Variants in PRKCA observed in about 807,000 individuals in gnomAD.
PRKCA encodes the protein protein kinase C alpha type.
A neutral mutation model predicts 87.0 loss-of-function variants in PRKCA; 27 were observed. The ratio of observed to expected loss-of-function variants is 0.31; its 90% CI spans 0.23 to 0.43. PRKCA has a LOEUF of 0.43. PRKCA is among the 20% of genes least tolerant of loss of function. The pLI is 1.00. For synonymous variants in PRKCA, 329 were observed against 311.1 expected, an observed-to-expected ratio of 1.06 and a Z score of -0.61; for missense variants, 518 against 852.3, an observed-to-expected ratio of 0.61 and a Z score of 4.88.
At chr17:66,545,423 T>C (rs905707897) in intron 3 of PRKCA, among the ~76,000 whole-genome samples, 2 of 152,156 alleles carry the variant, frequency 1.3e-5, no homozygotes, top group Non-Finnish European at 2.9e-5. Flanking sequence ...AGCGAGACTC[T>C]GTCTCAAAAA....
intron 13 of PRKCA, among the ~76,000 whole-genome samples, chr17:66,751,418 C>T (rs894487016): frequency 6.6e-6 from 1 of 152,156 alleles, no homozygotes; most frequent in African/African-American, 2.4e-5. Context: ...CATCCACGGC[C>T]AGTTGCCACC....
At chr17:66,802,358 G>C (rs1391138233) in intron 16 of PRKCA, among the ~76,000 whole-genome samples, 1 of 152,032 alleles carries the variant, frequency 6.6e-6, no homozygotes, top group East Asian at 1.9e-4. Flanking sequence ...GTGGGAAAAG[G>C]GTAATGAAAG....
chr17:66,585,779 C>T (rs1339926048), intron 3 of PRKCA, among the ~76,000 whole-genome samples: 1 of 152,204 alleles, frequency 6.6e-6, no homozygotes, highest in Admixed American at 6.5e-5. Flanking sequence ...AGCCTTGGTT[C>T]CTGTCTTGTG....
chr17:66,446,584 T>A (rs1914049583), intron 2 of PRKCA, among the ~76,000 whole-genome samples: 2 of 152,340 alleles, frequency 1.3e-5, no homozygotes, highest in South Asian at 4.1e-4. Context: ...TCAAGGGCTA[T>A]GAATGCTGCC....
At chr17:66,650,505 C>T (rs1054379832) in intron 5 of PRKCA, among the ~76,000 whole-genome samples, 3 of 152,046 alleles carry the variant, frequency 2.0e-5, no homozygotes, top group African/African-American at 2.4e-5. Context: ...GAAAAAATAT[C>T]GGGTGCTTTA....
chr17:66,458,531 A>C (rs1425949366), intron 2 of PRKCA, among the ~76,000 whole-genome samples: 1 of 151,228 alleles, frequency 6.6e-6, no homozygotes, highest in African/African-American at 2.4e-5. Flanking sequence ...CCCAGGCTGG[A>C]GTGTAGTGGT....
Position 66,337,413 on chromosome 17 carries a change from A to G in PRKCA, c.205+31286A>G, listed in dbSNP as rs981273741. Among the ~76,000 whole-genome samples the G allele has an allele frequency of 3.9e-5, 6 of 152,090 alleles. No individual in the cohort carries two copies. The East Asian group carries it at 1.2e-3, about 30-fold the overall frequency. On this transcript the variant is annotated intron_variant, in intron 2 of 16. Coordinates refer to ENST00000413366, the MANE Select transcript of PRKCA (RefSeq NM_002737.3). ...GGTAGATCTAAGGTTTTGTTTTGAG[A>G]CAGTCTCACTCTGTCATGCAGGCTG... is the stretch of plus-strand genomic sequence containing the variant.
chr17:66,326,555 A>T (rs185949311), intron 2 of PRKCA, among the ~76,000 whole-genome samples: 112 of 152,344 alleles, frequency 7.4e-4, no homozygotes, highest in African/African-American at 2.2e-3. Flanking sequence ...TTTGAGGAGC[A>T]TCCTCTTTTT....
intron 3 of PRKCA, among the ~76,000 whole-genome samples, chr17:66,564,082 C>CTCTT (rs1968812912): frequency 6.8e-6 from 1 of 146,408 alleles, no homozygotes; most frequent in Non-Finnish European, 1.5e-5. Flanking sequence ...TTCTTTCTTT[C>CTCTT]TCTTTCTTTC....
chr17:66,584,483 C>T (rs1467180418), intron 3 of PRKCA, among the ~76,000 whole-genome samples: 2 of 152,318 alleles, frequency 1.3e-5, no homozygotes, highest in East Asian at 3.9e-4. Flanking sequence ...GCCTTGGCCT[C>T]CCAAAGTGCT....
chr17:66,308,501 CTA>C (rs951610289), intron 2 of PRKCA, among the ~76,000 whole-genome samples: 1 of 152,128 alleles, frequency 6.6e-6, no homozygotes, highest in Admixed American at 6.6e-5. Flanking sequence ...AGAGAAGTGA[CTA>C]TGTGCTTTCT....
chr17:66,724,808 A>G (rs1973703300), intron 8 of PRKCA, among the ~76,000 whole-genome samples: 1 of 151,948 alleles, frequency 6.6e-6, no homozygotes, highest in African/African-American at 2.4e-5. Flanking sequence ...TTTTATTTGC[A>G]CTCCTGGTGA....
chr17:66,778,850 A>T (rs1975132363), intron 14 of PRKCA, among the ~76,000 whole-genome samples: 2 of 151,742 alleles, frequency 1.3e-5, no homozygotes, highest in African/African-American at 4.8e-5. Context: ...GTCTCCAAAA[A>T]AAAAAAAAAA....
intron 5 of PRKCA, among the ~76,000 whole-genome samples, chr17:66,674,652 T>G (rs1038465840): frequency 6.6e-6 from 1 of 152,150 alleles, no homozygotes; most frequent in African/African-American, 2.4e-5. Context: ...AGGAAACAGA[T>G]TAGAGGCCTG....
At chr17:66,330,512 TTTA>T (rs1472284527) in intron 2 of PRKCA, among the ~76,000 whole-genome samples, 5 of 152,136 alleles carry the variant, frequency 3.3e-5, no homozygotes, top group African/African-American at 1.2e-4. Context: ...TGTAAAAGGA[TTTA>T]TTATTTTTTA....
At chr17:66,382,742 AT>A (rs1909833076) in intron 2 of PRKCA, among the ~76,000 whole-genome samples, 1 of 152,066 alleles carries the variant, frequency 6.6e-6, no homozygotes, top group Non-Finnish European at 1.5e-5. Flanking sequence ...GTCTGGAGAC[AT>A]TTTTTATTGT....
At chr17:66,718,254 C>T (rs755023917) in intron 8 of PRKCA, among the ~76,000 whole-genome samples, 9 of 152,294 alleles carry the variant, frequency 5.9e-5, no homozygotes, top group Non-Finnish European at 1.3e-4. Context: ...CAGATGGCAT[C>T]TTCTGGCTTT....
chr17:66,338,730 T>C (rs1009405367), intron 2 of PRKCA, among the ~76,000 whole-genome samples: 2 of 152,178 alleles, frequency 1.3e-5, no homozygotes, highest in African/African-American at 2.4e-5. Flanking sequence ...AAAAATATTT[T>C]GTGGAATGTA....
chr17:66,645,600 G>C, intron 5 of PRKCA, 89 bp downstream of exon 5: 1 of 1,561,854 alleles, frequency 6.4e-7, no homozygotes, highest in Non-Finnish European at 8.7e-7. Flanking sequence ...GGCTGGGCTG[G>C]ATGCCCTGAG....
Sources: allele counts gnomAD v4.1 joint callset (sites outside exome capture counted in the v4.1 genomes callset), GRCh38; gene constraint gnomAD v4.1.1; transcripts MANE v1.5; gene names NCBI Gene and HGNC (gene_info 2026-07-23, HGNC 2026-07-21).